The following MRTFA variants were observed in gnomAD, a reference collection of about 807,000 sequenced individuals.
MRTFA encodes the protein myocardin related transcription factor A, also known as myocardin-related transcription factor A.
In MRTFA, 20 loss-of-function variants were observed where a neutral mutation model predicts 83.5. That is an observed-to-expected ratio of 0.24 (90% CI 0.17 to 0.35). The LOEUF (loss-of-function observed/expected upper bound fraction) is 0.35, where lower values mean the gene tolerates loss of function less well. Among genes scored for constraint, MRTFA ranks in the 10% least tolerant of loss-of-function variants. The probability of loss-of-function intolerance (pLI) is 1.00; values close to 1 mark genes in which losing one functional copy is unlikely to be tolerated. For synonymous variants in MRTFA, 659 were observed against 541.2 expected (o/e 1.22, Z -3.02); for missense variants, 1,200 against 1,224.7 (o/e 0.98, Z 0.30).
intron 7 of MRTFA, among the ~76,000 whole-genome samples, chr22:40,429,034 T>A (rs2053013938): frequency 6.6e-6 from 1 of 152,206 alleles, no homozygotes; most frequent in Non-Finnish European, 1.5e-5. Flanking sequence ...CAAAGTACCC[T>A]GTGCTCCCTC....
At chr22:40,428,860 G>A (rs1266359695) in intron 7 of MRTFA, among the ~76,000 whole-genome samples, 1 of 152,084 alleles carries the variant, frequency 6.6e-6, no homozygotes, top group African/African-American at 2.4e-5. Flanking sequence ...TCCTAGGGTT[G>A]TTCTCCCTGC....
chr22:40,558,308 T>C (rs1407606820), intron 2 of MRTFA, among the ~76,000 whole-genome samples: 3 of 147,838 alleles, frequency 2.0e-5, no homozygotes, highest in Non-Finnish European at 3.0e-5. Flanking sequence ...GTTTTTGCTA[T>C]GTTGCCCAGG....
chr22:40,562,165 C>A (rs988835691), intron 2 of MRTFA, among the ~76,000 whole-genome samples: 60 of 150,534 alleles, frequency 4.0e-4, no homozygotes, highest in Non-Finnish European at 8.4e-4. Flanking sequence ...TCCAGTGAGC[C>A]GAGATCGTGC....
At chr22:40,587,160 G>C (rs749665266) in intron 2 of MRTFA, 2 of 460,190 alleles carry the variant, frequency 4.3e-6, no homozygotes, top group Non-Finnish European at 8.8e-6. Flanking sequence ...GGTCTGTATT[G>C]ATCATCTTGT....
rs555085187 is a variant in MRTFA at position 40,411,771 on chromosome 22, T to C, written c.2715A>G (p.Pro905=). 9 of 1,534,828 alleles carry C rather than the reference T, an allele frequency of 5.9e-6. No homozygotes were observed. Among genetic ancestry groups the C allele is most frequent in the Non-Finnish European group, 2.6e-6 (3 of 1,135,264 alleles). ...GGCGTCCAGGGAGGGAGGGTGAGCCTGGAGGAGGTGGGGCAGCCTGGGGGA... is the reference window on the plus strand; with the variant it reads ...GGCGTCCAGGGAGGGAGGGTGAGCCCGGAGGAGGTGGGGCAGCCTGGGGGA... The change falls in exon 15 of 15, where the codon CCA becomes CCG. Residue 905 remains proline (P), a synonymous_variant. Coordinates refer to ENST00000355630, the MANE Select transcript of MRTFA (RefSeq NM_020831.6).
chr22:40,626,572 G>A (rs377368635), intron 1 of MRTFA, among the ~76,000 whole-genome samples: 3 of 152,036 alleles, frequency 2.0e-5, no homozygotes, highest in South Asian at 2.1e-4. Flanking sequence ...GAGCCACCAC[G>A]CCCAGCCAAC....
chr22:40,457,436 G>GAAAGAAAA (rs774183094), intron 4 of MRTFA, among the ~76,000 whole-genome samples: 1 of 119,818 alleles, frequency 8.3e-6, no homozygotes, highest in African/African-American at 3.2e-5. Context: ...AAGAAAGAAA[G>GAAAGAAAA]AGAAAGAAAG....
intron 4 of MRTFA, among the ~76,000 whole-genome samples, chr22:40,448,203 G>A (rs933452500): frequency 8.5e-5 from 13 of 152,236 alleles, no homozygotes; most frequent in Admixed American, 6.5e-4. Context: ...CCAGCTGCTC[G>A]GGAGGCTGAG....
At chr22:40,444,617 G>A (rs921614521) in intron 4 of MRTFA, among the ~76,000 whole-genome samples, 17 of 152,194 alleles carry the variant, frequency 1.1e-4, no homozygotes, top group Admixed American at 3.9e-4. Flanking sequence ...GAAATGGCAC[G>A]ATATTTCTCA....
At position 40,452,436 on chromosome 22, in the gene MRTFA, G is replaced by T. The variant is rs568335796; in HGVS notation, c.307+10785C>A. ...TACTCTTGATAAGAAGTTAGCCTTGGATATCTCAGATTCTTCAATAACCAA... is the reference window on the plus strand; with the variant it reads ...TACTCTTGATAAGAAGTTAGCCTTGTATATCTCAGATTCTTCAATAACCAA... On this transcript the variant is annotated intron_variant, in intron 4 of 14. Coordinates refer to ENST00000355630, the MANE Select transcript of MRTFA (RefSeq NM_020831.6). Among the ~76,000 whole-genome samples the T allele has an allele frequency of 5.3e-5, 8 of 152,234 alleles. No individual in the cohort carries two copies. The South Asian group carries it at 1.7e-3, about 32-fold the overall frequency.
At chr22:40,433,624 A>G (rs150134198) in intron 5 of MRTFA, 1 of 152,838 alleles carries the variant, frequency 6.5e-6, no homozygotes, top group Non-Finnish European at 1.5e-5. Context: ...AGATGTGAGC[A>G]GCTGGTTCCA....
intron 1 of MRTFA, among the ~76,000 whole-genome samples, chr22:40,635,859 G>A (rs893923187): frequency 6.6e-6 from 1 of 152,178 alleles, no homozygotes; most frequent in Non-Finnish European, 1.5e-5. Context: ...GCAGGTTTGG[G>A]AGTCGACTCA....
intron 6 of MRTFA, among the ~76,000 whole-genome samples, chr22:40,429,972 G>T (rs1270480208): frequency 6.6e-6 from 1 of 152,112 alleles, no homozygotes; most frequent in Non-Finnish European, 1.5e-5. Context: ...GCAGTGCACA[G>T]TCACACACAA....
intron 3 of MRTFA, among the ~76,000 whole-genome samples, chr22:40,539,579 T>C (rs2055253092): frequency 6.9e-6 from 1 of 144,778 alleles, no homozygotes; most frequent in African/African-American, 2.4e-5. Flanking sequence ...CTCGGCTCAC[T>C]GCAACCTCCG....
intron 1 of MRTFA, among the ~76,000 whole-genome samples, chr22:40,595,994 C>T (rs1243682456): frequency 6.6e-6 from 1 of 151,268 alleles, no homozygotes; most frequent in Non-Finnish European, 1.5e-5. Flanking sequence ...TCTCCCTGGC[C>T]CTGAAGCCTT....
intron 3 of MRTFA, among the ~76,000 whole-genome samples, chr22:40,524,868 C>T (rs2054938013): frequency 6.6e-6 from 1 of 152,152 alleles, no homozygotes; most frequent in South Asian, 2.1e-4. Context: ...AGTGCAATGT[C>T]GCAATCTCGG....
chr22:40,431,840 C>T (rs1569261327), intron 5 of MRTFA, among the ~76,000 whole-genome samples: 1 of 152,160 alleles, frequency 6.6e-6, no homozygotes, highest in Non-Finnish European at 1.5e-5. Flanking sequence ...TTTAATCAGC[C>T]ACTCTTAGTA....
intron 3 of MRTFA, among the ~76,000 whole-genome samples, chr22:40,489,668 T>C (rs1391803696): frequency 6.6e-6 from 1 of 151,800 alleles, no homozygotes; most frequent in East Asian, 1.9e-4. Context: ...AAATGAAAGG[T>C]TCTAAGCACA....
intron 4 of MRTFA, among the ~76,000 whole-genome samples, chr22:40,450,906 G>A (rs1485162177): frequency 6.6e-6 from 1 of 152,138 alleles, no homozygotes; most frequent in Non-Finnish European, 1.5e-5. Context: ...ACCCGGATTG[G>A]GTCTGCCTAT....
Sources: allele counts gnomAD v4.1 joint callset (sites outside exome capture counted in the v4.1 genomes callset), GRCh38; gene constraint gnomAD v4.1.1; transcripts MANE v1.5; gene names NCBI Gene and HGNC (gene_info 2026-07-23, HGNC 2026-07-21).